Variants in ATRNL1 observed in about 807,000 individuals in gnomAD.
ATRNL1 encodes the protein attractin-like protein 1.
In ATRNL1, 95 loss-of-function variants were observed where a neutral mutation model predicts 182.7. The ratio of observed to expected loss-of-function variants is 0.52; its 90% confidence interval spans 0.44 to 0.62. ATRNL1 has a LOEUF of 0.62. Ranked by LOEUF, ATRNL1 falls within the 20% of genes least tolerant of loss-of-function variation. The probability of loss-of-function intolerance (pLI) is 0.00; values close to 1 mark genes in which losing one functional copy is unlikely to be tolerated. For synonymous variants in ATRNL1, 576 were observed against 568.3 expected, an observed-to-expected ratio of 1.01 and a Z score of -0.19; for missense variants, 1,471 against 1,679.5, an observed-to-expected ratio of 0.88 and a Z score of 2.17.
chr10:115,450,215 C>T, intron 21 of ATRNL1, among the ~76,000 whole-genome samples: 1 of 152,150 alleles, frequency 6.6e-6, no homozygotes, highest in East Asian at 1.9e-4. Flanking sequence ...CCCTTGAAAA[C>T]TGGCACAAGA....
chr10:115,396,711 A>G (rs1356795783), intron 20 of ATRNL1, among the ~76,000 whole-genome samples: 2 of 151,980 alleles, frequency 1.3e-5, no homozygotes, highest in East Asian at 1.9e-4. Flanking sequence ...TCTTCTTAGT[A>G]TAGTTTTACT....
intron 1 of ATRNL1, among the ~76,000 whole-genome samples, chr10:115,109,541 C>G (rs564083117): frequency 1.6e-4 from 24 of 152,306 alleles, no homozygotes; most frequent in African/African-American, 5.8e-4. Context: ...GGGCTATGCT[C>G]TCATGGCCTA....
chr10:115,687,520 G>T (rs1275099275), intron 26 of ATRNL1, among the ~76,000 whole-genome samples: 2 of 151,914 alleles, frequency 1.3e-5, no homozygotes, highest in African/African-American at 4.8e-5. Context: ...CAAATTTAAT[G>T]GACATTTAGG....
At chr10:115,123,949 G>C (rs916302696) in intron 3 of ATRNL1, among the ~76,000 whole-genome samples, 1 of 151,794 alleles carries the variant, frequency 6.6e-6, no homozygotes, top group Admixed American at 6.6e-5. Flanking sequence ...CCCCAGATGG[G>C]ACCATCTAGT....
chr10:115,764,211 C>T (rs1310624187), intron 27 of ATRNL1, among the ~76,000 whole-genome samples: 1 of 152,062 alleles, frequency 6.6e-6, no homozygotes, highest in Admixed American at 6.6e-5. Flanking sequence ...CTGAGATTTC[C>T]TATATACCTC....
chr10:115,700,684 C>T (rs1323183631), intron 26 of ATRNL1, among the ~76,000 whole-genome samples: 1 of 151,790 alleles, frequency 6.6e-6, no homozygotes, highest in African/African-American at 2.4e-5. Context: ...AGGCTTTAAA[C>T]CAATAACAGT....
intron 26 of ATRNL1, among the ~76,000 whole-genome samples, chr10:115,690,634 T>A (rs1946360807): frequency 6.6e-6 from 1 of 152,130 alleles, no homozygotes; most frequent in South Asian, 2.1e-4. Context: ...TAGTGGACAC[T>A]GGGTGGACAC....
intron 8 of ATRNL1, among the ~76,000 whole-genome samples, chr10:115,174,288 T>C (rs1248033795): frequency 6.6e-6 from 1 of 151,858 alleles, no homozygotes; most frequent in Non-Finnish European, 1.5e-5. Flanking sequence ...TCCTTTTGTT[T>C]TCTATTTCTT....
Position 115,294,387 on chromosome 10 carries a change from G to A in ATRNL1, c.2416-5647G>A, listed in dbSNP as rs971126462. Among the ~76,000 whole-genome samples, 4 of 152,150 alleles carry A rather than the reference G, an allele frequency of 2.6e-5. No homozygotes were observed. The South Asian group carries it at 6.2e-4, about 24-fold the overall frequency. ...AAGTCTGTGGTTGAAGCTCTCTGTT[G>A]CATTTTTAAAGTTTTATTCATTGAA... On this transcript the variant is annotated intron_variant, in intron 15 of 28. Transcript: ENST00000355044.
intron 26 of ATRNL1, among the ~76,000 whole-genome samples, chr10:115,713,428 GA>G: frequency 1.4e-5 from 1 of 73,326 alleles, no homozygotes; most frequent in Admixed American, 1.4e-4. Context: ...ACAAAACAAG[GA>G]AGAGGGAAAG....
intron 6 of ATRNL1, among the ~76,000 whole-genome samples, chr10:115,162,230 A>G (rs186282214): frequency 6.6e-6 from 1 of 152,184 alleles, no homozygotes; most frequent in East Asian, 1.9e-4. Flanking sequence ...ATGGATGGAT[A>G]GATATAGATA....
At chr10:115,683,547 C>CGTTT (rs1420116639) in intron 26 of ATRNL1, among the ~76,000 whole-genome samples, 12 of 18,790 alleles carry the variant, frequency 6.4e-4, no homozygotes, top group Non-Finnish European at 1.8e-3. Context: ...AGAGAACTAG[C>CGTTT]GTTTTTTTTT....
intron 8 of ATRNL1, among the ~76,000 whole-genome samples, chr10:115,196,525 T>C (rs1474291073): frequency 2.0e-5 from 3 of 152,096 alleles, no homozygotes; most frequent in African/African-American, 7.2e-5. Context: ...GAAAATTGAG[T>C]CTTTAACAAT....
At chr10:115,686,410 A>G (rs782715733) in intron 26 of ATRNL1, among the ~76,000 whole-genome samples, 4 of 152,026 alleles carry the variant, frequency 2.6e-5, no homozygotes, top group African/African-American at 4.8e-5. Context: ...TTTTCTAAGT[A>G]TGAAAGATTT....
intron 17 of ATRNL1, among the ~76,000 whole-genome samples, chr10:115,308,518 T>C (rs1853850027): frequency 6.6e-6 from 1 of 152,146 alleles, no homozygotes. Context: ...AAGGTAATCA[T>C]TTTTAAAATT....
At chr10:115,508,867 A>G (rs888957329) in intron 24 of ATRNL1, among the ~76,000 whole-genome samples, 4 of 152,080 alleles carry the variant, frequency 2.6e-5, no homozygotes, top group African/African-American at 9.7e-5. Flanking sequence ...TAGCTACACT[A>G]AATAACAGAT....
At chr10:115,804,484 G>A (rs1360979741) in intron 27 of ATRNL1, among the ~76,000 whole-genome samples, 5 of 152,234 alleles carry the variant, frequency 3.3e-5, no homozygotes, top group Admixed American at 6.5e-5. Context: ...TCTTTGCCAC[G>A]TGAGGGTACA....
At chr10:115,825,930 G>A (rs527266039) in intron 27 of ATRNL1, among the ~76,000 whole-genome samples, 9 of 152,154 alleles carry the variant, frequency 5.9e-5, no homozygotes, top group African/African-American at 1.4e-4. Flanking sequence ...AGTGCCTAGC[G>A]CAATGGTGCA....
chr10:115,430,342 A>G (rs369078707), intron 21 of ATRNL1, among the ~76,000 whole-genome samples: 15 of 151,088 alleles, frequency 9.9e-5, no homozygotes, highest in East Asian at 5.8e-4. Flanking sequence ...TCAATTTCAG[A>G]TTTTGTCTTT....
Sources: allele counts gnomAD v4.1 joint callset (sites outside exome capture counted in the v4.1 genomes callset), GRCh38; gene constraint gnomAD v4.1.1; transcripts MANE v1.5; gene names NCBI Gene and HGNC (gene_info 2026-07-23, HGNC 2026-07-21).